TMBIM4: variants seen among roughly 807,000 people sequenced by gnomAD.
TMBIM4 encodes the protein transmembrane BAX inhibitor motif containing 4.
A neutral mutation model predicts 27.7 loss-of-function variants in TMBIM4; 28 were observed. The observed-to-expected ratio is 1.01, with a 90% CI of 0.75 to 1.38. The LOEUF (loss-of-function observed/expected upper bound fraction) is 1.38, where lower values mean the gene tolerates loss of function less well. Ranked by LOEUF, TMBIM4 falls within the 40% of genes most tolerant of loss-of-function variation. TMBIM4 has a pLI of 0.00. For synonymous variants in TMBIM4, 115 were observed against 113.1 expected (o/e 1.02, Z -0.11); for missense variants, 265 against 277.5 (o/e 0.95, Z 0.32).
At chr12:66,147,122 TTTA>T (rs2051764901) in intron 4 of TMBIM4, among the ~76,000 whole-genome samples, 1 of 151,980 alleles carries the variant, frequency 6.6e-6, no homozygotes, top group African/African-American at 2.4e-5. Flanking sequence ...TTCAATCCTA[TTTA>T]TTATTTATTA....
At chr12:66,138,688 A>G in intron 6 of TMBIM4, 36 bp downstream of exon 6, 1 of 1,488,094 alleles carries the variant, frequency 6.7e-7, no homozygotes, top group Non-Finnish European at 9.1e-7. Flanking sequence ...CACAGCCAGA[A>G]TTATATTTCA....
At position 66,141,645 on chromosome 12, in the gene TMBIM4, T is replaced by C. The variant is rs771966587; in HGVS notation, c.465-2876A>G. 1.8e-4 allele frequency among the ~76,000 whole-genome samples: 28 copies of C among 151,996 alleles called. 1 individual carries two copies. The highest frequency in any genetic ancestry group is 4.1e-4 in the South Asian group (2 of 4,832). ...TAAAAGGATAGAAAAACATATACGATGCTAACATGCTAACACAAATTAAGA... is the reference window on the plus strand; with the variant it reads ...TAAAAGGATAGAAAAACATATACGACGCTAACATGCTAACACAAATTAAGA... On this transcript the variant is annotated intron_variant, in intron 5 of 6. Transcript: ENST00000358230.
At chr12:66,149,195 C>A (rs900202937) in intron 3 of TMBIM4, among the ~76,000 whole-genome samples, 1 of 152,020 alleles carries the variant, frequency 6.6e-6, no homozygotes, top group Admixed American at 6.5e-5. Context: ...AATCCCAGTA[C>A]TCTGGGAGGC....
At position 66,169,932 on chromosome 12, in the gene TMBIM4, C is replaced by T. The variant is rs762334480; in HGVS notation, c.20G>A (p.Arg7Gln). The T allele has an allele frequency of 2.7e-6, 4 of 1,495,446 alleles. No homozygotes were observed. Among genetic ancestry groups the T allele is most frequent in the Non-Finnish European group, 3.6e-6 (4 of 1,124,454 alleles). The allele number at this position is 1,495,446 out of a possible 1,614,324, so 92.6% of individuals were successfully genotyped here. MADPDP[R>Q]YPRSSIEDDF... ...GTCCTCGATCGAGGAGCGAGGGTAC[C>T]GGGGGTCGGGGTCAGCCATGATGGC... The change falls in exon 1 of 7, where the codon CGG (arginine) becomes CAG (glutamine). Residue 7 changes from arginine (R) to glutamine (Q), a missense_variant. By Grantham distance (43) the Arg-to-Gln change is conservative. Transcript: ENST00000358230.
chr12:66,153,486 C>A (rs374821499), intron 1 of TMBIM4, 38 bp from the exon 2 acceptor site: 3 of 1,246,426 alleles, frequency 2.4e-6, no homozygotes, highest in African/African-American at 1.5e-5. Context: ...ATTTTCTTAA[C>A]CATTTATCAT....
In TMBIM4 at chr12:66,147,944, A is replaced by T. The variant is rs530426535; in HGVS notation, c.313-3T>A. 6 of 1,610,808 alleles carry T rather than the reference A, an allele frequency of 3.7e-6. No individual in the cohort carries two copies. In the South Asian group the frequency reaches 5.5e-5, roughly 15 times the overall value. On this transcript the variant is annotated splice_polypyrimidine_tract_variant and splice_region_variant and intron_variant, in intron 3 of 6. Transcript: ENST00000358230. ...ACAGTCAGAGCTTCCAACAGCGTCT[A>T]ATGAAAAGAAACTTAAATTAGTGAC...
intron 1 of TMBIM4, chr12:66,160,094 T>G: frequency 1.5e-6 from 1 of 662,678 alleles, no homozygotes; most frequent in Non-Finnish European, 2.7e-6. Context: ...TACAACTGCT[T>G]TTGCACAATG....
chr12:66,152,429 G>A, intron 2 of TMBIM4, 53 bp from the exon 3 acceptor site: 1 of 1,218,416 alleles, frequency 8.2e-7, no homozygotes, highest in Non-Finnish European at 1.2e-6. Flanking sequence ...AGCATGAGCA[G>A]TATTATCAAA....
At chr12:66,156,598 A>G (rs1235730135) in intron 1 of TMBIM4, among the ~76,000 whole-genome samples, 1 of 152,188 alleles carries the variant, frequency 6.6e-6, no homozygotes, top group Admixed American at 6.5e-5. Context: ...AGTAAACCAT[A>G]TCATGTGACT....
chr12:66,168,952 C>T (rs2052182510), intron 1 of TMBIM4: 1 of 203,240 alleles, frequency 4.9e-6, no homozygotes, highest in Non-Finnish European at 9.9e-6. Flanking sequence ...TAAAAAAAAG[C>T]TGAGTTCACT....
intron 5 of TMBIM4, among the ~76,000 whole-genome samples, chr12:66,141,872 C>T (rs2051674674): frequency 6.6e-6 from 1 of 151,976 alleles, no homozygotes; most frequent in South Asian, 2.1e-4. Context: ...TAGACCAATC[C>T]ATACTTGTAG....
At chr12:66,141,310 G>A (rs193027587) in intron 5 of TMBIM4, among the ~76,000 whole-genome samples, 28 of 151,902 alleles carry the variant, frequency 1.8e-4, no homozygotes, top group Admixed American at 1.6e-3. Flanking sequence ...TAAAAGTTAC[G>A]GCAACAATGG....
chr12:66,150,227 T>C (rs2051822294), intron 3 of TMBIM4, among the ~76,000 whole-genome samples: 1 of 152,148 alleles, frequency 6.6e-6, no homozygotes, highest in South Asian at 2.1e-4. Context: ...GGCCGTCTTT[T>C]TTTTTATACT....
chr12:66,151,762 T>C (rs975309802), intron 3 of TMBIM4, among the ~76,000 whole-genome samples: 1 of 152,184 alleles, frequency 6.6e-6, no homozygotes, highest in Non-Finnish European at 1.5e-5. Context: ...CTCCCAACTA[T>C]AATTTTGAAA....
chr12:66,142,066 A>T (rs1565781650), intron 5 of TMBIM4, among the ~76,000 whole-genome samples: 2 of 152,158 alleles, frequency 1.3e-5, no homozygotes, highest in African/African-American at 4.8e-5. Context: ...ATACCATTAA[A>T]AAATAAATAA....
At chr12:66,147,504 A>G (rs377634577) in intron 4 of TMBIM4, among the ~76,000 whole-genome samples, 519 of 152,338 alleles carry the variant, frequency 3.4e-3, no homozygotes, top group Admixed American at 6.8e-3. Context: ...ATGAGGATAT[A>G]ATGTTAAAGC....
intron 6 of TMBIM4, 183 bp from the exon 7 acceptor site, chr12:66,138,349 G>C: frequency 1.2e-6 from 1 of 865,904 alleles, no homozygotes; most frequent in Non-Finnish European, 1.4e-6. Context: ...TGGATGGAAG[G>C]ATGAATGAGT....
chr12:66,162,416 G>A (rs2052057346), intron 1 of TMBIM4, among the ~76,000 whole-genome samples: 1 of 152,188 alleles, frequency 6.6e-6, no homozygotes, highest in Non-Finnish European at 1.5e-5. Context: ...ACAACTGTAT[G>A]CAAACTCAGC....
chr12:66,165,796 G>T (rs753350419), intron 1 of TMBIM4, among the ~76,000 whole-genome samples: 1 of 151,970 alleles, frequency 6.6e-6, no homozygotes, highest in Non-Finnish European at 1.5e-5. Flanking sequence ...TTATTGAATG[G>T]TAGGATTTCC....
Sources: gnomAD v4.1 joint callset for allele counts (sites outside exome capture counted in the v4.1 genomes callset) on GRCh38, gnomAD v4.1.1 for gene constraint, MANE v1.5 for transcripts, NCBI Gene and HGNC (gene_info 2026-07-23, HGNC 2026-07-21) for gene names.